MAP4K1: variants seen among roughly 807,000 people sequenced by gnomAD.
The protein encoded by MAP4K1 is mitogen-activated protein kinase kinase kinase kinase 1.
Under a neutral mutation model 122.8 loss-of-function variants are expected in MAP4K1, and 35 were observed. That is an observed-to-expected ratio of 0.29 (90% CI 0.22 to 0.38). MAP4K1 has a LOEUF of 0.38. Among genes scored for constraint, MAP4K1 ranks in the 10% least tolerant of loss-of-function variants. MAP4K1 has a pLI of 1.00. For missense variants in MAP4K1, 791 were observed against 1,072.6 expected, an observed-to-expected ratio of 0.74 and a Z score of 3.67; for synonymous variants, 412 against 421.3, an observed-to-expected ratio of 0.98 and a Z score of 0.27.
At chr19:38,607,501 A>G (rs955093815) in intron 16 of MAP4K1, among the ~76,000 whole-genome samples, 2 of 140,862 alleles carry the variant, frequency 1.4e-5, no homozygotes, top group African/African-American at 5.2e-5. Flanking sequence ...CCGAGGTTGT[A>G]GTGAGCTGAG....
At position 38,595,473 on chromosome 19, in the gene MAP4K1, G is replaced by A. The variant is rs564614427; in HGVS notation, c.2340+12C>T. On this transcript the variant is annotated intron_variant, in intron 29 of 30. Transcript: ENST00000396857. ...GGGGGCAGTGATGTGGAGTTTGGAT[G>A]GAGGGGCTTACCTGATCCGAGCCTA... 1.4e-5 allele frequency: 22 copies of A among 1,613,988 alleles called. No individual in the cohort carries two copies. In the East Asian group the frequency reaches 4.7e-4, roughly 34 times the overall value.
chr19:38,597,136 C>T lies in MAP4K1; in HGVS notation c.1839G>A (p.Ala613=), dbSNP rs200433980. The change falls in exon 25 of 31, where the codon GCG becomes GCA. Residue 613 remains alanine (A), a splice_region_variant and synonymous_variant. Transcript: ENST00000396857. The surrounding 1 kb of genome is among the most constrained non-coding windows in gnomAD (Gnocchi z 4.6). Reference sequence around the variant, plus strand: ...ACGGGCCCCCAGAGCTCGCACCCTCCGCTGTGGCATGGGCAAGGATGAGTC... The same window carrying T: ...ACGGGCCCCCAGAGCTCGCACCCTCTGCTGTGGCATGGGCAAGGATGAGTC... The part of the protein sequence containing the change: ...DTKGCRACCV[A]EGASSGGPFL... 3.4e-5 allele frequency: 55 copies of T among 1,614,016 alleles called. No individual in the cohort carries two copies. Among genetic ancestry groups the T allele is most frequent in the Middle Eastern group, 1.6e-4 (1 of 6,084 alleles).
At chr19:38,611,435 G>T (rs1002357506) in intron 9 of MAP4K1, 130 bp from the exon 10 acceptor site, 60 of 685,918 alleles carry the variant, frequency 8.7e-5, no homozygotes, top group Admixed American at 4.1e-4. Context: ...TGAGGTTCAG[G>T]TTTTACAGTG....
rs1974932388 is a variant in MAP4K1, at chr19:38,597,689, G to C, written c.1670-95C>G. The C allele has an allele frequency of 2.6e-6, 2 of 761,512 alleles. No homozygotes were observed. Among genetic ancestry groups the C allele is most frequent in the African/African-American group, 1.8e-5 (1 of 56,844 alleles). The allele number at this position is 761,512 out of a possible 1,614,324, so 47.2% of individuals were successfully genotyped here. A position where few individuals can be genotyped will look rare whatever the true frequency, so the allele number is the denominator to read the frequency against. ...TCCCTTCCCTCAGCCCCATCCCTTT[G>C]TCTGAAACTCCCAAGCCTGCAAGTC... On this transcript the variant is annotated intron_variant, in intron 22 of 30. Transcript: ENST00000396857. This position sits in a 1 kb window ranked among gnomAD's most constrained non-coding sequence, Gnocchi z 4.6.
Position 38,607,639 on chromosome 19 carries a change from CAG to C in MAP4K1, c.1157+223_1157+224del, listed in dbSNP as rs1488712834. Among the ~76,000 whole-genome samples, 3 of 148,432 alleles carry C rather than the reference CAG, an allele frequency of 2.0e-5. No homozygotes were observed. In the South Asian group the frequency reaches 6.4e-4, roughly 32 times the overall value. On this transcript the variant is annotated intron_variant, in intron 16 of 30. Coordinates refer to ENST00000396857, the MANE Select transcript of MAP4K1 (RefSeq NM_001042600.3). ...CTGGAGCTGGGATCAGGTTGGGGGT[CAG>C]GGGTTGGAGGTGAAGGGTTAAGGGA...
chr19:38,599,843 C>T, intron 22 of MAP4K1, 82 bp downstream of exon 22: 1 of 1,331,618 alleles, frequency 7.5e-7, no homozygotes, highest in Non-Finnish European at 1.1e-6. Flanking sequence ...TTTTTTTCAG[C>T]TGTGCCCGTC....
chr19:38,598,888 C>T (rs1442106152), intron 22 of MAP4K1, among the ~76,000 whole-genome samples: 1 of 150,370 alleles, frequency 6.7e-6, no homozygotes, highest in East Asian at 2.0e-4. Context: ...TGGCAGGTGC[C>T]TGTAATCCCA....
At chr19:38,593,008 G>C (rs578255874) in intron 30 of MAP4K1, among the ~76,000 whole-genome samples, 8 of 152,162 alleles carry the variant, frequency 5.3e-5, no homozygotes, top group Non-Finnish European at 1.0e-4. Context: ...GCTGAGGTGG[G>C]TGGATCACTT....
Position 38,590,965 on chromosome 19 carries a change from T to TCACA in MAP4K1, c.2396+2313_2396+2316dup, listed in dbSNP as rs58402161. 8.2e-3 allele frequency among the ~76,000 whole-genome samples: 1,126 copies of TCACA among 137,378 alleles called. 10 individuals are homozygous for TCACA. The highest frequency in any genetic ancestry group is 0.011 in the Non-Finnish European group (669 of 61,752). The allele number at this position is 137,378 out of a possible 152,430, so 90.1% of individuals were successfully genotyped here. On this transcript the variant is annotated intron_variant, in intron 30 of 30. Transcript: ENST00000396857. ...TCATTCCCAAATATTCATTAAAAAA[T>TCACA]CACACACACACACACACACACACAC...
Position 38,595,691 on chromosome 19 carries a change from G to C in MAP4K1, c.2218C>G (p.Arg740Gly). The C allele has an allele frequency of 1.2e-6, 2 of 1,612,306 alleles. No homozygotes were observed. Among genetic ancestry groups the C allele is most frequent in the Non-Finnish European group, 1.7e-6 (2 of 1,179,108 alleles). ...GGGATCTCAGGTGTGCGAAGTCCCCGGACTGGGGACCCCTCCGGGGTCACC... is the reference window on the plus strand; with the variant it reads ...GGGATCTCAGGTGTGCGAAGTCCCCCGACTGGGGACCCCTCCGGGGTCACC... ...KLVTPEGSPV[R>G]GLRTPEIPMT... The change falls in exon 28 of 31, where the codon CGG becomes GGG. Residue 740 changes from arginine (R) to glycine (G), a missense_variant. By Grantham distance (125) the Arg-to-Gly change is moderately radical. Coordinates refer to ENST00000396857, the MANE Select transcript of MAP4K1 (RefSeq NM_001042600.3).
chr19:38,588,980 G>A (rs1425046869), intron 30 of MAP4K1, among the ~76,000 whole-genome samples: 1 of 151,868 alleles, frequency 6.6e-6, no homozygotes, highest in Admixed American at 6.6e-5. Context: ...AAATCCATGA[G>A]ACCATGCTGG....
intron 19 of MAP4K1, among the ~76,000 whole-genome samples, chr19:38,603,273 T>C (rs772100906): frequency 6.8e-6 from 1 of 146,892 alleles, no homozygotes; most frequent in African/African-American, 2.7e-5. Flanking sequence ...TATACATATA[T>C]ACACATACAT....
At chr19:38,595,206 G>A (rs12460781) in intron 29 of MAP4K1, among the ~76,000 whole-genome samples, 131 of 150,020 alleles carry the variant, frequency 8.7e-4, no homozygotes, top group African/African-American at 3.0e-3. Context: ...GGAGAATCGC[G>A]TGAACCCGGG....
At chr19:38,606,144 A>AGCCTC (rs778410829) in intron 17 of MAP4K1, 29 bp downstream of exon 17, 2 of 1,568,234 alleles carry the variant, frequency 1.3e-6, no homozygotes, top group Non-Finnish European at 1.7e-6. Flanking sequence ...CTGAGGCCCC[A>AGCCTC]GCCTCCCAGC....
Position 38,597,131 on chromosome 19 carries a change from C to T in MAP4K1, c.1844G>A (p.Gly615Asp), listed in dbSNP as rs1005553045. Reference sequence around the variant, plus strand: ...CAGGAACGGGCCCCCAGAGCTCGCACCCTCCGCTGTGGCATGGGCAAGGAT... The same window carrying T: ...CAGGAACGGGCCCCCAGAGCTCGCATCCTCCGCTGTGGCATGGGCAAGGAT... The part of the protein sequence containing the change: ...KGCRACCVAE[G>D]ASSGGPFLCG... The change falls in exon 25 of 31, where the codon GGT (glycine) becomes GAT (aspartate). Residue 615 changes from glycine (G) to aspartate (D), a missense_variant. Physicochemically the swap from Gly to Asp is moderately conservative, Grantham distance 94. Coordinates refer to ENST00000396857, the MANE Select transcript of MAP4K1 (RefSeq NM_001042600.3). The surrounding 1 kb of genome is among the most constrained non-coding windows in gnomAD (Gnocchi z 4.6). 5 of 1,614,168 alleles carry T rather than the reference C, an allele frequency of 3.1e-6. No homozygotes were observed. Among genetic ancestry groups the T allele is most frequent in the Non-Finnish European group, 4.2e-6 (5 of 1,180,006 alleles).
In MAP4K1 at chr19:38,595,530, G is replaced by A; in HGVS notation, c.2295C>T (p.Ala765=). ...AVAMVGGQLQ[A]FWKHGVQVWA... is the part of the protein sequence containing the mutation. ...ACACCTGCACTCCATGCTTCCAGAAGGCCTGAAGCTGACCTCCAACCATAG... is the reference window on the plus strand; with the variant it reads ...ACACCTGCACTCCATGCTTCCAGAAAGCCTGAAGCTGACCTCCAACCATAG... The change falls in exon 29 of 31, where the codon GCC becomes GCT. Residue 765 remains alanine, a synonymous_variant. Coordinates refer to ENST00000396857, the MANE Select transcript of MAP4K1 (RefSeq NM_001042600.3). The A allele has an allele frequency of 6.2e-7, 1 of 1,614,052 alleles. No individual in the cohort carries two copies. The highest frequency in any genetic ancestry group is 2.2e-5 in the East Asian group (1 of 44,864).
chr19:38,616,146 G>C, intron 4 of MAP4K1, 49 bp downstream of exon 4: 1 of 1,466,082 alleles, frequency 6.8e-7, no homozygotes, highest in African/African-American at 1.4e-5. Context: ...TCGGGGTTGG[G>C]GGGTGGGGAT....
At chr19:38,606,064 C>T in intron 17 of MAP4K1, 109 bp downstream of exon 17, 1 of 870,184 alleles carries the variant, frequency 1.1e-6, no homozygotes, top group Non-Finnish European at 1.8e-6. Flanking sequence ...TCCTGGTCTC[C>T]CCAATTCCCT....
At chr19:38,600,023 A>G in intron 21 of MAP4K1, 38 bp from the exon 22 acceptor site, 1 of 1,613,992 alleles carries the variant, frequency 6.2e-7, no homozygotes. Flanking sequence ...GTGACACCCC[A>G]GCAACCCCCG....
Sources: allele counts gnomAD v4.1 joint callset (sites outside exome capture counted in the v4.1 genomes callset), GRCh38; gene constraint gnomAD v4.1.1; non-coding constraint Gnocchi (gnomAD v3.1); transcripts MANE v1.5; gene names NCBI Gene and HGNC (gene_info 2026-07-23, HGNC 2026-07-21).